FOXP4: variants seen among roughly 807,000 people sequenced by gnomAD.
The protein encoded by FOXP4 is forkhead box P4.
A neutral mutation model predicts 82.6 loss-of-function variants in FOXP4; 25 were observed. The observed-to-expected ratio is 0.30, with a 90% confidence interval of 0.22 to 0.42. The LOEUF (loss-of-function observed/expected upper bound fraction) is 0.42. Among genes scored for constraint, FOXP4 ranks in the 10% least tolerant of loss-of-function variants. The pLI, the probability that FOXP4 is intolerant of heterozygous loss-of-function variation, is 1.00. For synonymous variants in FOXP4, 415 were observed against 388.2 expected, an observed-to-expected ratio of 1.07 and a Z score of -0.81; for missense variants, 785 against 900.9, an observed-to-expected ratio of 0.87 and a Z score of 1.65.
intron 1 of FOXP4, among the ~76,000 whole-genome samples, chr6:41,557,951 C>T (rs1214477546): frequency 6.6e-6 from 1 of 152,122 alleles, no homozygotes; most frequent in East Asian, 1.9e-4. Context: ...AATGTCTTTG[C>T]CCTGCCACTT....
Position 41,592,119 on chromosome 6 carries a change from G to T in FOXP4, c.1536+797G>T, listed in dbSNP as rs1175472405. 2.6e-5 allele frequency among the ~76,000 whole-genome samples: 4 copies of T among 152,144 alleles called. No individual in the cohort carries two copies. The East Asian group carries it at 7.7e-4, about 29-fold the overall frequency. On this transcript the variant is annotated intron_variant, in intron 13 of 16. Coordinates refer to ENST00000307972, the MANE Select transcript of FOXP4 (RefSeq NM_001012426.2). ...GCAGGGAAGGTTAGACGCGGGGAAGGACTCCCTCTCAGAACCTTAATTGGA... is the reference window on the plus strand; with the variant it reads ...GCAGGGAAGGTTAGACGCGGGGAAGTACTCCCTCTCAGAACCTTAATTGGA...
At chr6:41,556,642 A>G (rs1211633949) in intron 1 of FOXP4, among the ~76,000 whole-genome samples, 1 of 152,168 alleles carries the variant, frequency 6.6e-6, no homozygotes, top group Non-Finnish European at 1.5e-5. Flanking sequence ...GTTTTTAACA[A>G]TAAAATATAT....
chr6:41,547,566 T>C (rs1193421355), intron 1 of FOXP4: 1 of 152,350 alleles, frequency 6.6e-6, no homozygotes, highest in African/African-American at 2.4e-5. Context: ...AGCTCGGGGA[T>C]AGAGCGGAAA....
chr6:41,587,989 C>T, intron 8 of FOXP4, 92 bp downstream of exon 8: 1 of 701,844 alleles, frequency 1.4e-6, no homozygotes, highest in Non-Finnish European at 2.6e-6. Context: ...TCTGGGAGCC[C>T]TCCTCACTAG....
chr6:41,588,537 G>T, intron 8 of FOXP4, 107 bp from the exon 9 acceptor site: 2 of 1,071,280 alleles, frequency 1.9e-6, no homozygotes, highest in Non-Finnish European at 2.9e-6. Flanking sequence ...GTATCTCTTG[G>T]TCTGTCTGCT....
chr6:41,578,348 T>TG (rs1562029889), intron 3 of FOXP4, among the ~76,000 whole-genome samples: 1 of 152,150 alleles, frequency 6.6e-6, no homozygotes, highest in Non-Finnish European at 1.5e-5. Flanking sequence ...CCCTGTCTCT[T>TG]TGTACCTCTC....
At chr6:41,590,559 T>TGC (rs1766453744) in intron 12 of FOXP4, among the ~76,000 whole-genome samples, 1 of 151,990 alleles carries the variant, frequency 6.6e-6, no homozygotes, top group African/African-American at 2.4e-5. Flanking sequence ...TCTCTGGGGG[T>TGC]GCACACACTG....
chr6:41,579,439 C>T (rs577488701), intron 3 of FOXP4, among the ~76,000 whole-genome samples: 6 of 152,274 alleles, frequency 3.9e-5, no homozygotes, highest in South Asian at 4.2e-4. Flanking sequence ...ATCCTGCCCG[C>T]CCTGGACCCA....
chr6:41,587,819 C>T lies in FOXP4; in HGVS notation c.899C>T (p.Ser300Phe). ...TCTTCCCACGAGGAGACCCCCGGCT[C>T]CCACCCCCTGTACGGACACGGAGAG... is the stretch of plus-strand genomic sequence containing the variant. Reference protein sequence around the residue: ...DSSSHEETPGSHPLYGHGECK... With the variant: ...DSSSHEETPGFHPLYGHGECK... The change falls in exon 8 of 17, where the codon TCC becomes TTC. Residue 300 changes from serine to phenylalanine, a missense_variant. Around this residue, in one of 3 missense-constraint regions of FOXP4, gnomAD observed 570 missense variants for 634.0 expected, o/e 0.90. Coordinates refer to ENST00000307972, the MANE Select transcript of FOXP4 (RefSeq NM_001012426.2). The T allele has an allele frequency of 6.4e-7, 1 of 1,568,984 alleles. No individual in the cohort carries two copies. The highest frequency in any genetic ancestry group is 1.2e-5 in the South Asian group (1 of 85,480).
chr6:41,596,139 C>T lies in FOXP4; in HGVS notation c.1659-1037C>T, dbSNP rs569838630. Among the ~76,000 whole-genome samples, 17 of 152,348 alleles carry T rather than the reference C, an allele frequency of 1.1e-4. No homozygotes were observed. The South Asian group carries it at 2.7e-3, about 24-fold the overall frequency. On this transcript the variant is annotated intron_variant, in intron 14 of 16. Transcript: ENST00000307972. ...TCTCGAACTCCTGACCTCAGGTGAT[C>T]TGCCCGCATCGGCCTCCCAAAATGC...
chr6:41,581,095 AT>A (rs1285507393), intron 3 of FOXP4, among the ~76,000 whole-genome samples: 1 of 152,146 alleles, frequency 6.6e-6, no homozygotes, highest in Non-Finnish European at 1.5e-5. Context: ...CCCATCTGGC[AT>A]TTTCAGAAGT....
rs573885177 is a variant in FOXP4, at chr6:41,593,528, G to C, written c.1537-1342G>C. Among the ~76,000 whole-genome samples, 1 of 152,302 alleles carries C rather than the reference G, an allele frequency of 6.6e-6. No homozygotes were observed. Among genetic ancestry groups the C allele is most frequent in the South Asian group, 2.1e-4 (1 of 4,824 alleles). ...CGAATTAGTCTCTCATCACGAATCA[G>C]GCTTCGAAATGAGGGAAAAAAGCCC... On this transcript the variant is annotated intron_variant, in intron 13 of 16. Transcript: ENST00000307972. The surrounding 1 kb of genome is among the most constrained non-coding windows in gnomAD (Gnocchi z 4.1).
chr6:41,553,798 C>G (rs1219432173), intron 1 of FOXP4, among the ~76,000 whole-genome samples: 1 of 152,200 alleles, frequency 6.6e-6, no homozygotes, highest in Non-Finnish European at 1.5e-5. Context: ...CATTCAGAAG[C>G]TGCTGCCCCT....
chr6:41,582,032 G>T (rs762909898), intron 3 of FOXP4, among the ~76,000 whole-genome samples: 3 of 152,236 alleles, frequency 2.0e-5, no homozygotes, highest in African/African-American at 7.2e-5. Context: ...GTGGCCTAGT[G>T]CCTTGGTCCT....
rs1488530296 is a variant in FOXP4 at position 41,594,915 on chromosome 6, G to A, written c.1582G>A (p.Val528Met). The A allele has an allele frequency of 5.6e-6, 9 of 1,614,196 alleles. No homozygotes were observed. In the Admixed American group the frequency reaches 6.7e-5, roughly 12 times the overall value. The change falls in exon 14 of 17, where the codon GTG becomes ATG. Residue 528 changes from valine to methionine, a missense_variant. Physicochemically the swap from Val to Met is conservative, Grantham distance 21. Transcript: ENST00000307972. ...NLSLHKCFVR[V>M]ENVKGAVWTV... Reference sequence around the variant, plus strand: ...CAGCCTGCACAAGTGCTTCGTCCGCGTGGAGAACGTCAAGGGTGCCGTGTG... The same window carrying A: ...CAGCCTGCACAAGTGCTTCGTCCGCATGGAGAACGTCAAGGGTGCCGTGTG...
In FOXP4 at chr6:41,591,206, G is replaced by A; in HGVS notation, c.1435-15G>A. On this transcript the variant is annotated splice_polypyrimidine_tract_variant and intron_variant, in intron 12 of 16. Transcript: ENST00000307972. The surrounding 1 kb of genome is among the most constrained non-coding windows in gnomAD (Gnocchi z 4.2). ...GCCCAGGCTGACGGTCCCTTTGCTTGTTCCTTCCCCGCAGGCCATCCTGGA... is the reference window on the plus strand; with the variant it reads ...GCCCAGGCTGACGGTCCCTTTGCTTATTCCTTCCCCGCAGGCCATCCTGGA... 6.3e-7 allele frequency: 1 copy of A among 1,598,572 alleles called. No homozygotes were observed. Among genetic ancestry groups the A allele is most frequent in the Non-Finnish European group, 8.5e-7 (1 of 1,171,634 alleles).
At chr6:41,560,291 C>T (rs754882126) in intron 1 of FOXP4, among the ~76,000 whole-genome samples, 2 of 152,124 alleles carry the variant, frequency 1.3e-5, no homozygotes, top group Non-Finnish European at 2.9e-5. Flanking sequence ...CTGAAAAAAA[C>T]AAGTCATTCA....
intron 5 of FOXP4, 21 bp from the exon 6 acceptor site, chr6:41,586,988 C>T (rs897511546): frequency 2.6e-6 from 4 of 1,558,518 alleles, no homozygotes; most frequent in Non-Finnish European, 3.5e-6. Context: ...TCTCTGCCCG[C>T]CCCCTCGGGC....
chr6:41,557,823 T>TA (rs2127325898), intron 1 of FOXP4, among the ~76,000 whole-genome samples: 1 of 152,336 alleles, frequency 6.6e-6, no homozygotes, highest in East Asian at 1.9e-4. Flanking sequence ...GGATGTCTCT[T>TA]ACTTTTAGGA....
Sources: gnomAD v4.1 joint callset for allele counts (sites outside exome capture counted in the v4.1 genomes callset) on GRCh38, gnomAD v4.1.1 for gene constraint, gnomAD v4.1.1 regional missense constraint, Gnocchi (gnomAD v3.1) non-coding constraint, MANE v1.5 for transcripts, NCBI Gene and HGNC (gene_info 2026-07-23, HGNC 2026-07-21) for gene names.